MAD1L1: variants seen among roughly 807,000 people sequenced by gnomAD.
MAD1L1 encodes mitotic spindle assembly checkpoint protein MAD1.
A neutral mutation model predicts 96.9 loss-of-function variants in MAD1L1; 95 were observed. The observed-to-expected ratio is 0.98, with a 90% confidence interval of 0.83 to 1.16. The LOEUF is 1.16. Among genes scored for constraint, MAD1L1 ranks in the 50% most tolerant of loss-of-function variants. The pLI is 0.00. For missense variants in MAD1L1, 1,007 were observed against 954.4 expected (o/e 1.06, Z -0.73); for synonymous variants, 473 against 396.6 (o/e 1.19, Z -2.29).
At chr7:1,940,964 G>GCAGGCCTCACCCTCCTCTTCCTCTCC (rs1398046861) in intron 16 of MAD1L1, among the ~76,000 whole-genome samples, 1,321 of 63,890 alleles carry the variant, frequency 0.021, 44 homozygotes, top group Non-Finnish European at 0.03. Context: ...TCCTCCCCCC[G>GCAGGCCTCACCCTCCTCTTCCTCTCC]CAGGCCTCAC....
At chr7:1,947,547 G>A (rs550692167) in intron 16 of MAD1L1, among the ~76,000 whole-genome samples, 1 of 152,318 alleles carries the variant, frequency 6.6e-6, no homozygotes, top group South Asian at 2.1e-4. Flanking sequence ...CCACCAAGAG[G>A]CACAGGCAGA....
chr7:1,952,937 G>A (rs1779566633), intron 16 of MAD1L1, among the ~76,000 whole-genome samples: 1 of 152,238 alleles, frequency 6.6e-6, no homozygotes, highest in African/African-American at 2.4e-5. Context: ...CCGCCGGGAG[G>A]CCCCGGTACA....
In MAD1L1 at chr7:1,903,245, A is replaced by T. The variant is rs570767742; in HGVS notation, c.1808-4855T>A. Among the ~76,000 whole-genome samples, 310 of 151,342 alleles carry T rather than the reference A, an allele frequency of 2.0e-3. 1 individual carries two copies. Among genetic ancestry groups the T allele is most frequent in the African/African-American group, 7.2e-3 (295 of 41,024 alleles). ...TGAAGCACTGTTCCAGGCAGTGAGG[A>T]CGCAGTGGCCTACGGAAGACACTCT... On this transcript the variant is annotated intron_variant, in intron 17 of 18. Transcript: ENST00000265854.
At chr7:1,980,169 C>T (rs1165696346) in intron 15 of MAD1L1, among the ~76,000 whole-genome samples, 1 of 152,180 alleles carries the variant, frequency 6.6e-6, no homozygotes, top group Non-Finnish European at 1.5e-5. Context: ...CTGGAAAGGG[C>T]ACACCTGAGC....
chr7:2,072,458 C>A (rs988873773), intron 11 of MAD1L1, among the ~76,000 whole-genome samples: 1 of 152,142 alleles, frequency 6.6e-6, no homozygotes, highest in Non-Finnish European at 1.5e-5. Flanking sequence ...AAACGCAAGA[C>A]AAAATAAAAA....
rs532563461 is a variant in MAD1L1, at chr7:2,052,093, A to C, written c.1218+17101T>G. 3.9e-5 allele frequency among the ~76,000 whole-genome samples: 6 copies of C among 152,278 alleles called. No individual in the cohort carries two copies. The East Asian group carries it at 1.2e-3, about 30-fold the overall frequency. On this transcript the variant is annotated intron_variant, in intron 12 of 18. Coordinates refer to ENST00000265854, the MANE Select transcript of MAD1L1 (RefSeq NM_001013836.2). The stretch of plus-strand genomic sequence containing the variant: ...TGCATTCCACGAAGGAGCCCCCGGC[A>C]GGCCAAGACCCACGCTCCGCACACA...
chr7:1,834,315 G>A (rs1266531315), intron 18 of MAD1L1, among the ~76,000 whole-genome samples: 1 of 152,006 alleles, frequency 6.6e-6, no homozygotes, highest in Non-Finnish European at 1.5e-5. Flanking sequence ...AGAAAATAAA[G>A]ATCAAAGCAA....
At chr7:2,106,485 G>T (rs1182496444) in intron 11 of MAD1L1, among the ~76,000 whole-genome samples, 1 of 152,120 alleles carries the variant, frequency 6.6e-6, no homozygotes, top group Middle Eastern at 3.4e-3. Flanking sequence ...AAGCCAGCAG[G>T]CTCTCCGAGG....
At chr7:1,973,439 C>A (rs1780491368) in intron 15 of MAD1L1, among the ~76,000 whole-genome samples, 1 of 152,132 alleles carries the variant, frequency 6.6e-6, no homozygotes, top group African/African-American at 2.4e-5. Flanking sequence ...GTGAACTGGG[C>A]CCCTAGAGTG....
chr7:2,113,522 G>A (rs923592179), intron 11 of MAD1L1, among the ~76,000 whole-genome samples: 3 of 152,184 alleles, frequency 2.0e-5, no homozygotes, highest in Non-Finnish European at 4.4e-5. Flanking sequence ...AGAGGTTGCA[G>A]TGAGCCAAGA....
chr7:1,941,042 A>T (rs1405232755), intron 16 of MAD1L1, among the ~76,000 whole-genome samples: 1 of 29,720 alleles, frequency 3.4e-5, no homozygotes, highest in Non-Finnish European at 8.1e-5. Flanking sequence ...GGACCTCCTG[A>T]AGGGACCTCC....
chr7:2,034,506 G>A (rs764109835), intron 12 of MAD1L1, among the ~76,000 whole-genome samples: 26 of 152,176 alleles, frequency 1.7e-4, no homozygotes, highest in Non-Finnish European at 3.4e-4. Context: ...ATGAGCCACC[G>A]CAGCCGGCCA....
rs1161729894 is a variant in MAD1L1 at position 2,225,512 on chromosome 7, G to A, written c.189C>T (p.His63=). Residue 63 remains histidine, a synonymous_variant, in exon 4 of 19, where the codon CAC becomes CAT. Transcript: ENST00000265854. ...TTTTCTCCCGCTCCACCTGGATGAG[G>A]TGGGACTTCGAACGGATCTGCTCTG... is the stretch of plus-strand genomic sequence containing the variant. ...ERAEQIRSKS[H]LIQVEREKMQ... The A allele has an allele frequency of 1.9e-6, 3 of 1,614,088 alleles. No individual in the cohort carries two copies. The highest frequency in any genetic ancestry group is 1.1e-5 in the South Asian group (1 of 91,086).
intron 18 of MAD1L1, among the ~76,000 whole-genome samples, chr7:1,871,476 C>T (rs1054056748): frequency 8.8e-5 from 13 of 148,286 alleles, no homozygotes; most frequent in East Asian, 2.0e-4. Flanking sequence ...ATGCCTGCCA[C>T]GCTGAACCCA....
At chr7:2,177,285 G>A (rs1367675557) in intron 10 of MAD1L1, among the ~76,000 whole-genome samples, 1 of 152,202 alleles carries the variant, frequency 6.6e-6, no homozygotes, top group Non-Finnish European at 1.5e-5. Context: ...CTAGGCCACT[G>A]GTTCTCAAGT....
At chr7:2,222,510 AAAC>A in intron 5 of MAD1L1, 62 bp downstream of exon 5, 1 of 1,437,790 alleles carries the variant, frequency 7.0e-7, no homozygotes, top group Non-Finnish European at 9.2e-7. Flanking sequence ...CTGCAGTGGC[AAAC>A]AAGAGCATGC....
chr7:1,867,898 G>C lies in MAD1L1; in HGVS notation c.1998+30302C>G, dbSNP rs577096842. On this transcript the variant is annotated intron_variant, in intron 18 of 18. Transcript: ENST00000265854. ...TCGGAGGCAGTCCCTGCCCAGATGA[G>C]AGCCACATAATTAGAGCAGTGTCTG... Among the ~76,000 whole-genome samples, 35 of 152,360 alleles carry C rather than the reference G, an allele frequency of 2.3e-4. 1 individual carries two copies. The South Asian group carries it at 7.0e-3, about 31-fold the overall frequency.
At chr7:2,214,864 C>T (rs766031817) in intron 9 of MAD1L1, among the ~76,000 whole-genome samples, 101 of 152,308 alleles carry the variant, frequency 6.6e-4, no homozygotes, top group Non-Finnish European at 2.8e-4. Flanking sequence ...CAGTGCCACA[C>T]GCATTCTGAC....
chr7:1,890,948 C>T (rs928117596), intron 18 of MAD1L1, among the ~76,000 whole-genome samples: 1 of 152,344 alleles, frequency 6.6e-6, no homozygotes, highest in Admixed American at 6.5e-5. Context: ...GGGACCCCAG[C>T]AAGATCAGAC....
Sources: allele counts gnomAD v4.1 joint callset (sites outside exome capture counted in the v4.1 genomes callset), GRCh38; gene constraint gnomAD v4.1.1; transcripts MANE v1.5; gene names NCBI Gene and HGNC (gene_info 2026-07-23, HGNC 2026-07-21).